Variants in FHIT observed in about 807,000 individuals in gnomAD.
The protein encoded by FHIT is bis(5'-adenosyl)-triphosphatase.
FHIT carries 19 observed loss-of-function variants against 17.9 expected under a neutral mutation model. The ratio of observed to expected loss-of-function variants is 1.06; its 90% confidence interval spans 0.74 to 1.56. FHIT has a LOEUF of 1.56. Among genes scored for constraint, FHIT ranks in the 40% most tolerant of loss-of-function variants. The pLI, the probability that FHIT is intolerant of heterozygous loss-of-function variation, is 0.00. For synonymous variants in FHIT, 81 were observed against 69.7 expected (o/e 1.16, Z -0.81); for missense variants, 248 against 189.2 (o/e 1.31, Z -1.82).
rs1703594815 is a variant in FHIT, at chr3:60,860,158, T to TACATCATATGTATATATGGTATACATGAG, written c.-110-38148_-110-38147insCTCATGTATACCATATATACATATGATGT. Among the ~76,000 whole-genome samples the TACATCATATGTATATATGGTATACATGAG allele has an allele frequency of 1.5e-4, 11 of 73,082 alleles. No individual in the cohort carries two copies. In the East Asian group the frequency reaches 2.0e-3, roughly 14 times the overall value. 47.9% of individuals were successfully genotyped at this position (73,082 alleles called of 152,430 possible). On this transcript the variant is annotated intron_variant, in intron 3 of 9. Transcript: ENST00000492590. ...ATATATATACATATGGTATATATGA[T>TACATCATATGTATATATGGTATACATGAG]ATACATCATATGTATATATGGTATA... is the stretch of plus-strand genomic sequence containing the variant.
intron 8 of FHIT, among the ~76,000 whole-genome samples, chr3:59,757,640 C>T (rs111231469): frequency 2.1e-4 from 32 of 152,208 alleles, no homozygotes; most frequent in African/African-American, 6.3e-4. Flanking sequence ...TGTCTTCAAA[C>T]GGGGGAAAAC....
chr3:60,998,830 A>G (rs1393361323), intron 3 of FHIT, among the ~76,000 whole-genome samples: 1 of 151,928 alleles, frequency 6.6e-6, no homozygotes, highest in African/African-American at 2.4e-5. Flanking sequence ...AACTTTTTTT[A>G]AAAAGAGAAG....
intron 5 of FHIT, among the ~76,000 whole-genome samples, chr3:60,527,106 G>A (rs961356018): frequency 6.6e-5 from 10 of 152,070 alleles, no homozygotes; most frequent in South Asian, 2.1e-4. Context: ...TGTTTATTCC[G>A]CGGAAATATG....
chr3:61,213,982 G>A (rs1160835131), intron 1 of FHIT, among the ~76,000 whole-genome samples: 2 of 152,096 alleles, frequency 1.3e-5, no homozygotes, highest in Non-Finnish European at 2.9e-5. Flanking sequence ...CAACATACCA[G>A]AATCTCTGGG....
Position 60,482,396 on chromosome 3 carries a change from G to A in FHIT, c.103+54464C>T, listed in dbSNP as rs185856037. On this transcript the variant is annotated intron_variant, in intron 5 of 9. Transcript: ENST00000492590. The stretch of plus-strand genomic sequence containing the variant: ...GAATACACATTCTTCTCAGTTCCAC[G>A]TGGCATTATTCTAAAATCGACCACA... Among the ~76,000 whole-genome samples, 202 of 152,154 alleles carry A rather than the reference G, an allele frequency of 1.3e-3. 2 individuals carry two copies. Among genetic ancestry groups the A allele is most frequent in the African/African-American group, 4.8e-3 (199 of 41,530 alleles).
chr3:60,339,443 C>T (rs953965172), intron 5 of FHIT, among the ~76,000 whole-genome samples: 2 of 152,132 alleles, frequency 1.3e-5, no homozygotes, highest in African/African-American at 4.8e-5. Flanking sequence ...TACCAGGCAG[C>T]AGTAACTTCT....
chr3:60,442,636 C>T (rs966390154), intron 5 of FHIT, among the ~76,000 whole-genome samples: 2 of 152,090 alleles, frequency 1.3e-5, no homozygotes, highest in African/African-American at 4.8e-5. Context: ...GTCTATATCT[C>T]TGTTTTGGTA....
chr3:60,362,050 A>G (rs761702534), intron 5 of FHIT, among the ~76,000 whole-genome samples: 20 of 144,146 alleles, frequency 1.4e-4, no homozygotes, highest in Non-Finnish European at 2.4e-4. Flanking sequence ...CCAATCTTAA[A>G]TCTCAGTGTT....
chr3:60,583,920 T>A (rs1379951105), intron 4 of FHIT, among the ~76,000 whole-genome samples: 1 of 152,074 alleles, frequency 6.6e-6, no homozygotes, highest in East Asian at 1.9e-4. Context: ...TTAAATCACA[T>A]CAGCACTCTG....
intron 7 of FHIT, among the ~76,000 whole-genome samples, chr3:59,967,233 C>A (rs573273225): frequency 1.3e-5 from 2 of 151,972 alleles, no homozygotes; most frequent in Admixed American, 6.6e-5. Flanking sequence ...CTGCTTGAAG[C>A]GGTTTTAAAG....
At chr3:60,744,561 C>T (rs2042319192) in intron 4 of FHIT, among the ~76,000 whole-genome samples, 1 of 152,160 alleles carries the variant, frequency 6.6e-6, no homozygotes, top group Non-Finnish European at 1.5e-5. Context: ...AGTAGAACAA[C>T]CTTCCTGCAG....
At chr3:59,988,660 C>T (rs947004232) in intron 7 of FHIT, among the ~76,000 whole-genome samples, 3 of 152,012 alleles carry the variant, frequency 2.0e-5, no homozygotes, top group Admixed American at 2.0e-4. Context: ...ATCAAATCAT[C>T]ACACTTGTGC....
intron 8 of FHIT, among the ~76,000 whole-genome samples, chr3:59,851,121 A>G (rs1328881347): frequency 2.6e-5 from 4 of 152,182 alleles, no homozygotes; most frequent in Admixed American, 2.6e-4. Context: ...TCTTCTAACA[A>G]GGTCAATCTG....
chr3:59,787,434 A>G (rs1699353565), intron 8 of FHIT, among the ~76,000 whole-genome samples: 3 of 151,680 alleles, frequency 2.0e-5, no homozygotes, highest in Middle Eastern at 3.4e-3. Flanking sequence ...AAGAGCCAGT[A>G]GCCTAAATGT....
chr3:61,216,643 C>T lies in FHIT; in HGVS notation c.-212-15978G>A, dbSNP rs138838742. On this transcript the variant is annotated intron_variant, in intron 1 of 9. Coordinates refer to ENST00000492590, the MANE Select transcript of FHIT (RefSeq NM_002012.4). ...ATTTGACCCAGCCATGCCATTACTG[C>T]GTATATACCCAAAGGACTATAAATC... is the stretch of plus-strand genomic sequence containing the variant. Among the ~76,000 whole-genome samples, 858 of 150,712 alleles carry T rather than the reference C, an allele frequency of 5.7e-3. 3 individuals are homozygous for T. The highest frequency in any genetic ancestry group is 0.01 in the Non-Finnish European group (678 of 67,664).
chr3:60,460,782 A>G (rs1175212329), intron 5 of FHIT, among the ~76,000 whole-genome samples: 2 of 152,320 alleles, frequency 1.3e-5, no homozygotes, highest in East Asian at 3.9e-4. Context: ...TAGTCACTCT[A>G]AAATAGATGC....
At chr3:61,106,862 T>C (rs866473538) in intron 2 of FHIT, among the ~76,000 whole-genome samples, 2 of 152,138 alleles carry the variant, frequency 1.3e-5, no homozygotes, top group Admixed American at 6.5e-5. Flanking sequence ...GGTTTCATCA[T>C]ATCGGACAGG....
At chr3:61,022,975 G>T (rs1321781464) in intron 3 of FHIT, among the ~76,000 whole-genome samples, 1 of 152,156 alleles carries the variant, frequency 6.6e-6, no homozygotes, top group East Asian at 1.9e-4. Context: ...TCAACATAGT[G>T]TTGGAAGTTC....
chr3:61,107,396 C>T (rs890883504), intron 2 of FHIT, among the ~76,000 whole-genome samples: 1 of 152,098 alleles, frequency 6.6e-6, no homozygotes, highest in Non-Finnish European at 1.5e-5. Context: ...TAGGTTGATT[C>T]TGAATCTTAG....
Sources: gnomAD v4.1 joint callset for allele counts (sites outside exome capture counted in the v4.1 genomes callset) on GRCh38, gnomAD v4.1.1 for gene constraint, MANE v1.5 for transcripts, NCBI Gene and HGNC (gene_info 2026-07-23, HGNC 2026-07-21) for gene names.